The following TMTC2 variants were observed in gnomAD, a reference collection of about 807,000 sequenced individuals.
TMTC2 encodes transmembrane O-mannosyltransferase targeting cadherins 2, also known as protein O-mannosyl-transferase TMTC2.
Under a neutral mutation model 82.4 loss-of-function variants are expected in TMTC2, and 43 were observed. The ratio of observed to expected loss-of-function variants is 0.52; its 90% CI spans 0.41 to 0.67. The LOEUF (loss-of-function observed/expected upper bound fraction) is 0.67. Among genes scored for constraint, TMTC2 ranks in the 30% least tolerant of loss-of-function variants. TMTC2 has a pLI of 0.00. For synonymous variants in TMTC2, 408 were observed against 381.9 expected (o/e 1.07, Z -0.80); for missense variants, 919 against 1,012.4 (o/e 0.91, Z 1.25).
intron 1 of TMTC2, among the ~76,000 whole-genome samples, chr12:82,689,769 C>T (rs550165855): frequency 4.6e-5 from 7 of 152,186 alleles, no homozygotes; most frequent in Admixed American, 1.3e-4. Flanking sequence ...TGTTAAAATT[C>T]GTGACTTCTA....
chr12:82,910,307 C>T (rs1874562629), intron 3 of TMTC2, among the ~76,000 whole-genome samples: 1 of 152,190 alleles, frequency 6.6e-6, no homozygotes, highest in Non-Finnish European at 1.5e-5. Flanking sequence ...CCCTGTCCCC[C>T]TCACAGCGCG....
At chr12:82,999,427 T>C (rs1219274685) in intron 8 of TMTC2, among the ~76,000 whole-genome samples, 1 of 152,236 alleles carries the variant, frequency 6.6e-6, no homozygotes, top group Non-Finnish European at 1.5e-5. Flanking sequence ...AGGTAGTTTT[T>C]GTCAGAGTTC....
At chr12:82,896,672 C>T in intron 3 of TMTC2, 26 bp downstream of exon 3, 1 of 1,549,708 alleles carries the variant, frequency 6.5e-7, no homozygotes, top group Non-Finnish European at 8.7e-7. Flanking sequence ...ATGCTTTTGT[C>T]TGGATAGTTT....
chr12:83,022,949 G>C (rs1881001591), intron 8 of TMTC2, among the ~76,000 whole-genome samples: 1 of 152,146 alleles, frequency 6.6e-6, no homozygotes, highest in Non-Finnish European at 1.5e-5. Context: ...GGCTACTCAA[G>C]TTCATGCTAG....
At chr12:82,891,805 C>A (rs1441256765) in intron 2 of TMTC2, among the ~76,000 whole-genome samples, 1 of 152,136 alleles carries the variant, frequency 6.6e-6, no homozygotes, top group South Asian at 2.1e-4. Context: ...CAAATCACAA[C>A]ACTTTAGAAA....
chr12:82,965,906 A>G, intron 6 of TMTC2, 162 bp downstream of exon 6: 1 of 700,002 alleles, frequency 1.4e-6, no homozygotes, highest in Non-Finnish European at 2.3e-6. Flanking sequence ...ATGACATTGG[A>G]ATGGTTTTTT....
Position 82,964,884 on chromosome 12 carries a change from T to G in TMTC2, c.1599-140T>G, listed in dbSNP as rs559348201. The G allele has an allele frequency of 9.8e-4, 495 of 507,184 alleles. 1 individual carries two copies. The highest frequency in any genetic ancestry group is 1.5e-3 in the Non-Finnish European group (440 of 285,706). The allele number at this position is 507,184 out of a possible 1,614,324, so 31.4% of individuals were successfully genotyped here. The stretch of plus-strand genomic sequence containing the variant: ...TCCTGAGGAATCATTTCCTTATATT[T>G]AGAATTTATTTTTATATTACCAGGT... On this transcript the variant is annotated intron_variant, in intron 4 of 11. Coordinates refer to ENST00000321196, the MANE Select transcript of TMTC2 (RefSeq NM_152588.3).
chr12:82,755,598 C>T (rs980361596), intron 1 of TMTC2, among the ~76,000 whole-genome samples: 4 of 152,106 alleles, frequency 2.6e-5, no homozygotes, highest in Non-Finnish European at 4.4e-5. Context: ...GCTACCATCA[C>T]GTTTGAGAGG....
Position 82,857,261 on chromosome 12 carries a change from A to G in TMTC2, c.335A>G (p.Asp112Gly), listed in dbSNP as rs370643573. 7.4e-6 allele frequency: 12 copies of G among 1,614,174 alleles called. No homozygotes were observed. In the African/African-American group the frequency reaches 1.6e-4, roughly 22 times the overall value. ...FTSFSKILLGDGYWTFMAGLM... is the reference protein window; with the variant it reads ...FTSFSKILLGGGYWTFMAGLM... ...AGCTTCTCCAAGATCCTCCTTGGTG[A>G]TGGATACTGGACATTCATGGCTGGC... is the stretch of plus-strand genomic sequence containing the variant. Residue 112 changes from aspartate (D) to glycine (G), a missense_variant, in exon 2 of 12, where the codon GAT becomes GGT. Transcript: ENST00000321196.
chr12:82,806,928 T>C (rs1879273021), intron 1 of TMTC2, among the ~76,000 whole-genome samples: 1 of 152,086 alleles, frequency 6.6e-6, no homozygotes, highest in South Asian at 2.1e-4. Flanking sequence ...CTTAAGTACA[T>C]GGACTGTGTA....
At chr12:83,034,491 T>C (rs2137429389) in intron 9 of TMTC2, among the ~76,000 whole-genome samples, 1 of 152,286 alleles carries the variant, frequency 6.6e-6, no homozygotes, top group East Asian at 1.9e-4. Flanking sequence ...AGTTTTGCAT[T>C]GTATTCTGAG....
chr12:82,693,826 G>A (rs535106017), intron 1 of TMTC2, among the ~76,000 whole-genome samples: 1 of 152,014 alleles, frequency 6.6e-6, no homozygotes, highest in African/African-American at 2.4e-5. Flanking sequence ...AAATTAGCCA[G>A]GCATGGTGGC....
intron 11 of TMTC2, among the ~76,000 whole-genome samples, chr12:83,070,056 A>G (rs1372681804): frequency 6.6e-6 from 1 of 152,112 alleles, no homozygotes; most frequent in Non-Finnish European, 1.5e-5. Context: ...GCCTATCTTT[A>G]TACCAGTACC....
intron 9 of TMTC2, among the ~76,000 whole-genome samples, chr12:83,048,519 T>C (rs1882223274): frequency 6.6e-6 from 1 of 152,198 alleles, no homozygotes; most frequent in Admixed American, 6.5e-5. Flanking sequence ...TTTGTAGAAA[T>C]AGATGAGTGA....
intron 1 of TMTC2, among the ~76,000 whole-genome samples, chr12:82,836,632 G>T (rs1870056344): frequency 1.3e-5 from 2 of 152,102 alleles, no homozygotes; most frequent in East Asian, 3.9e-4. Flanking sequence ...ACCCATTTTG[G>T]ACTTATGACC....
intron 1 of TMTC2, among the ~76,000 whole-genome samples, chr12:82,744,755 A>G (rs1220572232): frequency 1.3e-5 from 2 of 152,128 alleles, no homozygotes. Context: ...CCCTCTCTAA[A>G]AGTTGCCTCT....
intron 1 of TMTC2, among the ~76,000 whole-genome samples, chr12:82,764,455 T>C (rs962612436): frequency 2.0e-5 from 3 of 152,162 alleles, no homozygotes; most frequent in African/African-American, 7.2e-5. Flanking sequence ...TTTTTTTTAA[T>C]GGAGGCTTTC....
At chr12:82,876,406 G>A (rs892942532) in intron 2 of TMTC2, among the ~76,000 whole-genome samples, 1 of 152,092 alleles carries the variant, frequency 6.6e-6, no homozygotes, top group African/African-American at 2.4e-5. Flanking sequence ...ATAATAGAAA[G>A]TTTAATGATG....
At chr12:82,764,886 A>G (rs1876859369) in intron 1 of TMTC2, among the ~76,000 whole-genome samples, 1 of 151,668 alleles carries the variant, frequency 6.6e-6, no homozygotes, top group African/African-American at 2.4e-5. Context: ...AGGGCAGAGG[A>G]AAAATGCAGG....
Sources: gnomAD v4.1 joint callset for allele counts (sites outside exome capture counted in the v4.1 genomes callset) on GRCh38, gnomAD v4.1.1 for gene constraint, MANE v1.5 for transcripts, NCBI Gene and HGNC (gene_info 2026-07-23, HGNC 2026-07-21) for gene names.